NKAIN2: variants seen among roughly 807,000 people sequenced by gnomAD.
NKAIN2 encodes the protein sodium/potassium-transporting ATPase subunit beta-1-interacting protein 2.
In NKAIN2, 14 loss-of-function variants were observed where a neutral mutation model predicts 32.6. The observed-to-expected ratio is 0.43, with a 90% CI of 0.28 to 0.67. The LOEUF (loss-of-function observed/expected upper bound fraction) is 0.67. Ranked by LOEUF, NKAIN2 falls within the 30% of genes least tolerant of loss-of-function variation. The probability of loss-of-function intolerance (pLI) is 0.17; values close to 1 mark genes in which losing one functional copy is unlikely to be tolerated. For missense variants in NKAIN2, 198 were observed against 258.3 expected, an observed-to-expected ratio of 0.77 and a Z score of 1.60; for synonymous variants, 80 against 87.2, an observed-to-expected ratio of 0.92 and a Z score of 0.46.
At chr6:124,137,527 G>A (rs1480442991) in intron 1 of NKAIN2, among the ~76,000 whole-genome samples, 2 of 151,916 alleles carry the variant, frequency 1.3e-5, no homozygotes, top group Non-Finnish European at 2.9e-5. Flanking sequence ...AAATTCATAT[G>A]GCACCAAAAC....
In NKAIN2 at chr6:124,235,007, C is replaced by A. The variant is rs557840829; in HGVS notation, c.55-47998C>A. 2.0e-5 allele frequency among the ~76,000 whole-genome samples: 3 copies of A among 152,164 alleles called. No individual in the cohort carries two copies. In the East Asian group the frequency reaches 5.8e-4, roughly 30 times the overall value. On this transcript the variant is annotated intron_variant, in intron 1 of 6. Coordinates refer to ENST00000368417, the MANE Select transcript of NKAIN2 (RefSeq NM_001040214.3). ...CTACCATTCAGATGGTGACAGGTGG[C>A]AGAGAAAGCACACAATGGAATTTTC...
chr6:124,572,516 G>A (rs1781165322), intron 3 of NKAIN2, among the ~76,000 whole-genome samples: 1 of 152,136 alleles, frequency 6.6e-6, no homozygotes, highest in African/African-American at 2.4e-5. Context: ...TTTTCAGAGA[G>A]CAGCAAATAC....
chr6:124,664,948 A>T (rs988890104), intron 4 of NKAIN2, among the ~76,000 whole-genome samples: 1 of 152,018 alleles, frequency 6.6e-6, no homozygotes, highest in Non-Finnish European at 1.5e-5. Context: ...AAGAAGGTGA[A>T]TTTCAAATCA....
intron 3 of NKAIN2, among the ~76,000 whole-genome samples, chr6:124,386,547 A>G (rs2114395963): frequency 6.6e-6 from 1 of 152,246 alleles, no homozygotes; most frequent in South Asian, 2.1e-4. Context: ...TATAATTTCC[A>G]TTGAAAGCTC....
chr6:124,496,655 G>T (rs1229904843), intron 3 of NKAIN2, among the ~76,000 whole-genome samples: 1 of 152,092 alleles, frequency 6.6e-6, no homozygotes, highest in Non-Finnish European at 1.5e-5. Flanking sequence ...TTTGAGGTGA[G>T]GTGTGGGCTG....
chr6:124,225,289 G>A (rs980199953), intron 1 of NKAIN2, among the ~76,000 whole-genome samples: 1 of 151,894 alleles, frequency 6.6e-6, no homozygotes, highest in Non-Finnish European at 1.5e-5. Context: ...ATTAAATGCT[G>A]TATCTATTGT....
rs950759075 is a variant in NKAIN2, at chr6:124,687,144, A to G, written c.474+28758A>G. ...TTAATAAGCTCCCTTAAATATATAT[A>G]TATATGGAATATAAATATTCTCTAT... On this transcript the variant is annotated intron_variant, in intron 4 of 6. Coordinates refer to ENST00000368417, the MANE Select transcript of NKAIN2 (RefSeq NM_001040214.3). Among the ~76,000 whole-genome samples the G allele has an allele frequency of 4.7e-5, 7 of 148,974 alleles. No homozygotes were observed. In the East Asian group the frequency reaches 1.4e-3, roughly 30 times the overall value.
At chr6:123,872,946 A>C (rs571239565) in intron 1 of NKAIN2, among the ~76,000 whole-genome samples, 3 of 152,174 alleles carry the variant, frequency 2.0e-5, no homozygotes, top group Non-Finnish European at 4.4e-5. Context: ...CGTTTTAAGA[A>C]CACCCTATTA....
chr6:123,856,954 T>C (rs1775578975), intron 1 of NKAIN2, among the ~76,000 whole-genome samples: 1 of 152,154 alleles, frequency 6.6e-6, no homozygotes, highest in South Asian at 2.1e-4. Context: ...CACAGTGGGG[T>C]TGCTAATTTT....
intron 1 of NKAIN2, among the ~76,000 whole-genome samples, chr6:124,077,909 A>T (rs1358354455): frequency 6.6e-6 from 1 of 152,068 alleles, no homozygotes; most frequent in Admixed American, 6.6e-5. Flanking sequence ...CCAAATTTTT[A>T]AATTCTTAAT....
intron 1 of NKAIN2, among the ~76,000 whole-genome samples, chr6:124,195,139 T>C (rs1320968549): frequency 1.3e-5 from 2 of 151,858 alleles, no homozygotes; most frequent in Non-Finnish European, 2.9e-5. Context: ...ACTTATTATA[T>C]TCCTTTGAAT....
At chr6:124,611,686 T>G (rs930935165) in intron 3 of NKAIN2, among the ~76,000 whole-genome samples, 1 of 152,110 alleles carries the variant, frequency 6.6e-6, no homozygotes, top group Admixed American at 6.6e-5. Flanking sequence ...TTTGGTGGAT[T>G]AGAATAAAAT....
chr6:124,808,941 C>T (rs1379762489), intron 5 of NKAIN2, among the ~76,000 whole-genome samples: 1 of 152,164 alleles, frequency 6.6e-6, no homozygotes, highest in African/African-American at 2.4e-5. Context: ...TGAAGGACCT[C>T]TTCAAGGAGA....
intron 1 of NKAIN2, among the ~76,000 whole-genome samples, chr6:124,119,623 A>G (rs1562368998): frequency 6.6e-6 from 1 of 152,242 alleles, no homozygotes; most frequent in Non-Finnish European, 1.5e-5. Context: ...CATGGACTGT[A>G]TAAGCATCTG....
chr6:123,904,599 A>G (rs184224003), intron 1 of NKAIN2, among the ~76,000 whole-genome samples: 2 of 152,328 alleles, frequency 1.3e-5, no homozygotes, highest in South Asian at 4.1e-4. Flanking sequence ...TTTTTCTCCA[A>G]AAGTGTTATA....
chr6:124,759,657 C>CACACACA (rs1562367850), intron 4 of NKAIN2, among the ~76,000 whole-genome samples: 1,090 of 75,424 alleles, frequency 0.014, 177 homozygotes, highest in East Asian at 0.042. Context: ...ACACACACAC[C>CACACACA]CCCTATCTCC....
rs148491750 is a variant in NKAIN2 at position 124,634,071 on chromosome 6, G to A, written c.274-24115G>A. 2.1e-3 allele frequency among the ~76,000 whole-genome samples: 309 copies of A among 150,654 alleles called. 1 individual carries two copies. Among genetic ancestry groups the A allele is most frequent in the Non-Finnish European group, 1.7e-3 (115 of 67,802 alleles). On this transcript the variant is annotated intron_variant, in intron 3 of 6. Transcript: ENST00000368417. ...CAAAAGCCAAAGCACTCTACCCAAT[G>A]AACACCATAGATACATCTACAGGGG...
chr6:124,105,624 A>C (rs28679805), intron 1 of NKAIN2, among the ~76,000 whole-genome samples: 1 of 152,334 alleles, frequency 6.6e-6, no homozygotes, highest in African/African-American at 2.4e-5. Context: ...TTATAAAAAG[A>C]TGGATTTAAG....
chr6:124,256,479 T>C (rs1793936578), intron 1 of NKAIN2, among the ~76,000 whole-genome samples: 1 of 152,188 alleles, frequency 6.6e-6, no homozygotes, highest in African/African-American at 2.4e-5. Flanking sequence ...AATGCTGTTA[T>C]ATATCTTCAA....
Sources: allele counts gnomAD v4.1 joint callset (sites outside exome capture counted in the v4.1 genomes callset), GRCh38; gene constraint gnomAD v4.1.1; transcripts MANE v1.5; gene names NCBI Gene and HGNC (gene_info 2026-07-23, HGNC 2026-07-21).